Variants in RNF150 observed in about 807,000 individuals in gnomAD.
The protein encoded by RNF150 is ring finger protein 150.
In RNF150, 24 loss-of-function variants were observed where a neutral mutation model predicts 39.3. The ratio of observed to expected loss-of-function variants is 0.61; its 90% CI spans 0.44 to 0.86. The LOEUF (loss-of-function observed/expected upper bound fraction) is 0.86. RNF150 is among the 40% of genes least tolerant of loss of function. The pLI, the probability that RNF150 is intolerant of heterozygous loss-of-function variation, is 0.00. For synonymous variants in RNF150, 255 were observed against 227.3 expected (o/e 1.12, Z -1.10); for missense variants, 502 against 587.8 (o/e 0.85, Z 1.51).
intron 1 of RNF150, among the ~76,000 whole-genome samples, chr4:141,080,125 C>T (rs954198962): frequency 7.2e-5 from 11 of 152,176 alleles, no homozygotes; most frequent in African/African-American, 2.7e-4. Flanking sequence ...AAAGTACTTG[C>T]TCTTGAAAGA....
intron 6 of RNF150, among the ~76,000 whole-genome samples, chr4:140,898,528 CATATG>C (rs922730166): frequency 1.3e-5 from 2 of 152,352 alleles, no homozygotes; most frequent in East Asian, 1.9e-4. Flanking sequence ...ATGTCTGACA[CATATG>C]ATATGCATAT....
chr4:141,144,099 C>CA (rs1727163256), intron 1 of RNF150, among the ~76,000 whole-genome samples: 1 of 150,586 alleles, frequency 6.6e-6, no homozygotes, highest in African/African-American at 2.5e-5. Flanking sequence ...CATAATAAAC[C>CA]AAGTAGCAGA....
At chr4:141,121,000 G>A (rs1560748859) in intron 1 of RNF150, among the ~76,000 whole-genome samples, 2 of 150,658 alleles carry the variant, frequency 1.3e-5, no homozygotes, top group South Asian at 4.2e-4. Flanking sequence ...GACTCAGTTG[G>A]TGACAACAAT....
chr4:141,205,444 G>A (rs17006993), intron 1 of RNF150, among the ~76,000 whole-genome samples: 5,545 of 152,234 alleles, frequency 0.036, 343 homozygotes, highest in African/African-American at 0.12. Context: ...GTTTGGAAAG[G>A]CAAAATTAGA....
At chr4:140,917,011 C>A (rs1339255948) in intron 5 of RNF150, among the ~76,000 whole-genome samples, 1 of 152,130 alleles carries the variant, frequency 6.6e-6, no homozygotes, top group South Asian at 2.1e-4. Context: ...TTGTCACCAC[C>A]AGGCCTGCCC....
intron 1 of RNF150, among the ~76,000 whole-genome samples, chr4:141,162,351 G>A (rs1727530230): frequency 6.6e-6 from 1 of 152,140 alleles, no homozygotes; most frequent in South Asian, 2.1e-4. Flanking sequence ...TTTTGGAATG[G>A]GATTATTTAC....
At chr4:141,103,982 T>A (rs1348981190) in intron 1 of RNF150, among the ~76,000 whole-genome samples, 1 of 152,204 alleles carries the variant, frequency 6.6e-6, no homozygotes, top group Non-Finnish European at 1.5e-5. Flanking sequence ...TTTTCTTCAA[T>A]TCTGAGTCAA....
chr4:141,198,702 A>C (rs1284502199), intron 1 of RNF150, among the ~76,000 whole-genome samples: 1 of 152,238 alleles, frequency 6.6e-6, no homozygotes, highest in Non-Finnish European at 1.5e-5. Flanking sequence ...GATTTTTAAA[A>C]AGTTTAAAAA....
At chr4:141,161,876 T>C (rs1727518052) in intron 1 of RNF150, among the ~76,000 whole-genome samples, 1 of 152,174 alleles carries the variant, frequency 6.6e-6, no homozygotes, top group Non-Finnish European at 1.5e-5. Flanking sequence ...TCTGCCTGTA[T>C]TTCAGAGGAT....
Position 140,949,281 on chromosome 4 carries a change from A to T in RNF150, c.807+20T>A. The stretch of plus-strand genomic sequence containing the variant: ...TTCTTTGAATAGCTCCTCACCAAAA[A>T]GAAAAGAGGCTGCTATTACCTTGTC... On this transcript the variant is annotated intron_variant, in intron 3 of 6. Transcript: ENST00000515673. 6.3e-7 allele frequency: 1 copy of T among 1,592,932 alleles called. No homozygotes were observed. The highest frequency in any genetic ancestry group is 8.6e-7 in the Non-Finnish European group (1 of 1,168,048).
At chr4:141,000,954 C>A (rs1186235222) in intron 1 of RNF150, among the ~76,000 whole-genome samples, 1 of 152,138 alleles carries the variant, frequency 6.6e-6, no homozygotes, top group African/African-American at 2.4e-5. Context: ...TAGAATGGCT[C>A]ATTTAGAGCT....
intron 1 of RNF150, among the ~76,000 whole-genome samples, chr4:141,047,377 A>C (rs1004855563): frequency 6.6e-6 from 1 of 152,190 alleles, no homozygotes; most frequent in African/African-American, 2.4e-5. Context: ...CAGCTGAGAC[A>C]GGCAGAGGCT....
intron 1 of RNF150, among the ~76,000 whole-genome samples, chr4:141,033,915 T>G (rs1330529001): frequency 6.6e-6 from 1 of 152,172 alleles, no homozygotes; most frequent in East Asian, 1.9e-4. Flanking sequence ...TGCAGAAATG[T>G]AACATAATTC....
At chr4:141,113,473 C>T (rs568233821) in intron 1 of RNF150, among the ~76,000 whole-genome samples, 32 of 152,204 alleles carry the variant, frequency 2.1e-4, no homozygotes, top group African/African-American at 7.5e-4. Flanking sequence ...GGCTAACTAT[C>T]CTAAATATAT....
chr4:140,923,660 ACACATG>A (rs1731256313), intron 5 of RNF150, among the ~76,000 whole-genome samples: 1 of 152,220 alleles, frequency 6.6e-6, no homozygotes, highest in African/African-American at 2.4e-5. Context: ...TGTTATAAAG[ACACATG>A]CACACGTGTG....
At chr4:141,048,888 A>G (rs1192003474) in intron 1 of RNF150, among the ~76,000 whole-genome samples, 1 of 152,226 alleles carries the variant, frequency 6.6e-6, no homozygotes, top group East Asian at 1.9e-4. Context: ...AAGATGATTG[A>G]AGCCAACATA....
chr4:140,970,012 C>T (rs757661812), intron 1 of RNF150, among the ~76,000 whole-genome samples: 4 of 152,130 alleles, frequency 2.6e-5, no homozygotes, highest in African/African-American at 7.2e-5. Context: ...GATCCACCTG[C>T]CTTGGCCTCC....
At chr4:140,887,714 G>A (rs903896468) in intron 6 of RNF150, among the ~76,000 whole-genome samples, 1 of 152,164 alleles carries the variant, frequency 6.6e-6, no homozygotes, top group Non-Finnish European at 1.5e-5. Context: ...CACAAAGTCT[G>A]GTTTAAAGGT....
intron 1 of RNF150, among the ~76,000 whole-genome samples, chr4:141,177,552 A>G (rs543626717): frequency 4.9e-4 from 75 of 152,168 alleles, no homozygotes; most frequent in Admixed American, 7.9e-4. Context: ...TATGGCATAG[A>G]GCATTTTATT....
Sources: allele counts gnomAD v4.1 joint callset (sites outside exome capture counted in the v4.1 genomes callset), GRCh38; gene constraint gnomAD v4.1.1; transcripts MANE v1.5; gene names NCBI Gene and HGNC (gene_info 2026-07-23, HGNC 2026-07-21).